The following TESC variants were observed in gnomAD, a reference collection of about 807,000 sequenced individuals.
TESC encodes calcineurin B homologous protein 3.
In TESC, 19 loss-of-function variants were observed where a neutral mutation model predicts 31.0. That is an observed-to-expected ratio of 0.61 (90% CI 0.43 to 0.90). The LOEUF (loss-of-function observed/expected upper bound fraction) is 0.90, where lower values mean the gene tolerates loss of function less well. Among genes scored for constraint, TESC ranks in the 40% least tolerant of loss-of-function variants. TESC has a pLI of 0.00. For missense variants in TESC, 248 were observed against 303.8 expected, an observed-to-expected ratio of 0.82 and a Z score of 1.36; for synonymous variants, 109 against 114.8, an observed-to-expected ratio of 0.95 and a Z score of 0.32.
rs375821784 is a variant in TESC at position 117,087,242 on chromosome 12, C to A, written c.59-11902G>T. Among the ~76,000 whole-genome samples, 4 of 152,174 alleles carry A rather than the reference C, an allele frequency of 2.6e-5. No homozygotes were observed. The East Asian group carries it at 7.7e-4, about 29-fold the overall frequency. On this transcript the variant is annotated intron_variant, in intron 1 of 7. Transcript: ENST00000335209. ...GGCCTTGAGAAGGAAGCTCTCAAACCCAATTCTGTCCTTCAGAGCAGCAGC... is the reference window on the plus strand; with the variant it reads ...GGCCTTGAGAAGGAAGCTCTCAAACACAATTCTGTCCTTCAGAGCAGCAGC...
At chr12:117,050,401 A>G (rs968050864) in intron 3 of TESC, among the ~76,000 whole-genome samples, 4 of 152,264 alleles carry the variant, frequency 2.6e-5, no homozygotes, top group African/African-American at 9.6e-5. Flanking sequence ...GGCTGCAAGC[A>G]TCTCTAAGTA....
intron 1 of TESC, among the ~76,000 whole-genome samples, chr12:117,095,151 C>T (rs1456425274): frequency 1.3e-5 from 2 of 151,926 alleles, no homozygotes; most frequent in Admixed American, 6.6e-5. Context: ...CTCAGCTCAC[C>T]GCAACCTCCG....
chr12:117,041,916 C>T (rs1285679345), intron 7 of TESC, 31 bp downstream of exon 7: 2 of 1,564,912 alleles, frequency 1.3e-6, no homozygotes, highest in African/African-American at 1.4e-5. Context: ...CTTCAAGGGT[C>T]CCCCGAGGCT....
At chr12:117,058,810 G>C (rs1036037151) in intron 2 of TESC, among the ~76,000 whole-genome samples, 2 of 151,626 alleles carry the variant, frequency 1.3e-5, no homozygotes, top group African/African-American at 4.8e-5. Flanking sequence ...TTTCACAGGA[G>C]GACACCCTGT....
At chr12:117,073,010 G>C (rs969066974) in intron 2 of TESC, among the ~76,000 whole-genome samples, 3 of 152,152 alleles carry the variant, frequency 2.0e-5, no homozygotes, top group African/African-American at 7.2e-5. Flanking sequence ...ACTTCTGAAG[G>C]AACAAGCAAA....
intron 1 of TESC, among the ~76,000 whole-genome samples, chr12:117,079,042 C>T (rs1593018265): frequency 6.6e-6 from 1 of 152,132 alleles, no homozygotes; most frequent in Admixed American, 6.6e-5. Flanking sequence ...TAAACTGAGG[C>T]TCAGAAGGGA....
chr12:117,041,564 G>A (rs1016059641), intron 7 of TESC, among the ~76,000 whole-genome samples: 5 of 151,928 alleles, frequency 3.3e-5, no homozygotes, highest in Admixed American at 2.6e-4. Flanking sequence ...AACTCCTGAC[G>A]TCAGGTGATC....
At chr12:117,081,987 G>T (rs578195035) in intron 1 of TESC, among the ~76,000 whole-genome samples, 1 of 151,580 alleles carries the variant, frequency 6.6e-6, no homozygotes, top group African/African-American at 2.4e-5. Context: ...ACTCTGGGAA[G>T]CAGAAGTGGG....
chr12:117,046,701 G>T (rs1954568308), intron 5 of TESC, 35 bp from the exon 6 acceptor site: 2 of 1,552,144 alleles, frequency 1.3e-6, no homozygotes, highest in Non-Finnish European at 1.7e-6. Flanking sequence ...GGTGACCTTG[G>T]GCCTCCATCA....
chr12:117,092,583 G>C (rs960569080), intron 1 of TESC, among the ~76,000 whole-genome samples: 37 of 152,166 alleles, frequency 2.4e-4, no homozygotes, highest in African/African-American at 7.0e-4. Flanking sequence ...ATGACTCCAG[G>C]CCAGGGTCTC....
intron 1 of TESC, among the ~76,000 whole-genome samples, chr12:117,080,992 T>C (rs748647754): frequency 6.6e-6 from 1 of 152,208 alleles, no homozygotes; most frequent in Non-Finnish European, 1.5e-5. Flanking sequence ...AGAATGGGCT[T>C]TGGTTCCTGG....
intron 2 of TESC, among the ~76,000 whole-genome samples, chr12:117,066,975 C>T (rs1049907569): frequency 6.6e-6 from 1 of 152,142 alleles, no homozygotes. Context: ...GCCTCGGGAA[C>T]GCCTCCGCAC....
intron 2 of TESC, among the ~76,000 whole-genome samples, chr12:117,061,059 G>A (rs1162355411): frequency 2.0e-5 from 3 of 152,184 alleles, no homozygotes. Flanking sequence ...GTCAAACGGC[G>A]TTGCCTCACC....
intron 2 of TESC, among the ~76,000 whole-genome samples, chr12:117,058,794 G>A (rs918604830): frequency 2.6e-5 from 4 of 151,644 alleles, no homozygotes; most frequent in African/African-American, 9.7e-5. Context: ...GAGAGGGGAG[G>A]GTGAATTTCA....
intron 2 of TESC, among the ~76,000 whole-genome samples, chr12:117,063,540 C>T (rs1293685744): frequency 1.3e-5 from 2 of 152,192 alleles, no homozygotes; most frequent in African/African-American, 4.8e-5. Context: ...TCTAGGGGTA[C>T]TGAGCATGGA....
At chr12:117,053,694 T>C (rs12313968) in intron 3 of TESC, among the ~76,000 whole-genome samples, 4,559 of 152,208 alleles carry the variant, frequency 0.03, 183 homozygotes, top group South Asian at 0.12. Flanking sequence ...GCCTCGTGCC[T>C]ACACACACCC....
intron 1 of TESC, among the ~76,000 whole-genome samples, chr12:117,078,376 G>C (rs967958240): frequency 1.3e-5 from 2 of 152,168 alleles, no homozygotes; most frequent in Non-Finnish European, 2.9e-5. Context: ...TGAAGCAGGA[G>C]AATCGCTTGA....
intron 1 of TESC, among the ~76,000 whole-genome samples, chr12:117,081,822 T>C (rs1425991543): frequency 6.6e-6 from 1 of 151,952 alleles, no homozygotes; most frequent in Non-Finnish European, 1.5e-5. Flanking sequence ...GAGAATCACT[T>C]GAACCTGGGA....
intron 6 of TESC, among the ~76,000 whole-genome samples, chr12:117,045,087 G>A (rs1335750228): frequency 6.6e-6 from 1 of 152,242 alleles, no homozygotes; most frequent in African/African-American, 2.4e-5. Flanking sequence ...CAGGCCGCAT[G>A]CACAGCTCGG....
Sources: gnomAD v4.1 joint callset for allele counts (sites outside exome capture counted in the v4.1 genomes callset) on GRCh38, gnomAD v4.1.1 for gene constraint, MANE v1.5 for transcripts, NCBI Gene and HGNC (gene_info 2026-07-23, HGNC 2026-07-21) for gene names.